FAT4: variants seen among roughly 807,000 people sequenced by gnomAD.
The protein encoded by FAT4 is protocadherin Fat 4.
A neutral mutation model predicts 303.9 loss-of-function variants in FAT4; 84 were observed. The ratio of observed to expected loss-of-function variants is 0.28; its 90% CI spans 0.23 to 0.33. The LOEUF is 0.33. Among genes scored for constraint, FAT4 ranks in the 10% least tolerant of loss-of-function variants. The pLI is 1.00. For synonymous variants in FAT4, 2,307 were observed against 2,298.8 expected, an observed-to-expected ratio of 1.00 and a Z score of -0.10; for missense variants, 6,005 against 6,146.8, an observed-to-expected ratio of 0.98 and a Z score of 0.77.
chr4:125,452,701 G>T lies in FAT4; in HGVS notation c.11691G>T (p.Arg3897Ser). ...GCTGCCCAGATGGCTTCACTGGTAG[G>T]GCGTGTGAGAGAGATATCAATGAGT... Reference protein sequence around the residue: ...SCSCPDGFTGRACERDINECL... With the variant: ...SCSCPDGFTGSACERDINECL... Residue 3897 changes from arginine (R) to serine (S), a missense_variant, in exon 10 of 18, where the codon AGG (arginine) becomes AGT (serine). Transcript: ENST00000394329. 6.2e-7 allele frequency: 1 copy of T among 1,614,074 alleles called. No homozygotes were observed. The highest frequency in any genetic ancestry group is 2.2e-5 in the East Asian group (1 of 44,854).
Position 125,491,991 on chromosome 4 carries a change from T to G in FAT4, c.*223T>G. On this transcript the variant is annotated 3_prime_UTR_variant, in exon 18 of 18. Transcript: ENST00000394329. ...TTTATTTCCCTGCATGCATTGTGTT[T>G]TGTAACTAGTTATGTGGCATGCAGC... The G allele has an allele frequency of 1.9e-6, 1 of 523,214 alleles. No individual in the cohort carries two copies. The highest frequency in any genetic ancestry group is 3.3e-6 in the Non-Finnish European group (1 of 304,930). The allele number at this position is 523,214 out of a possible 1,614,324, so 32.4% of individuals were successfully genotyped here. A position where few individuals can be genotyped will look rare whatever the true frequency, so the allele number is the denominator to read the frequency against.
At chr4:125,465,639 A>T (rs1425076243) in intron 11 of FAT4, among the ~76,000 whole-genome samples, 1 of 152,200 alleles carries the variant, frequency 6.6e-6, no homozygotes, top group Non-Finnish European at 1.5e-5. Flanking sequence ...ATTAAGTGGA[A>T]CTACTTGAGG....
chr4:125,389,740 G>A (rs1169007889), intron 2 of FAT4, among the ~76,000 whole-genome samples: 1 of 152,134 alleles, frequency 6.6e-6, no homozygotes, highest in Non-Finnish European at 1.5e-5. Flanking sequence ...AGATGAGACA[G>A]TAAACTATTA....
Position 125,415,180 on chromosome 4 carries a change from C to T in FAT4, c.6217C>T (p.Gln2073Ter). The T allele has an allele frequency of 6.2e-7, 1 of 1,614,090 alleles. No individual in the cohort carries two copies. The highest frequency in any genetic ancestry group is 8.5e-7 in the Non-Finnish European group (1 of 1,179,966). The change falls in exon 6 of 18, where the codon CAA (glutamine) becomes TAA (stop). Residue 2073 changes from glutamine to a stop codon, truncating the protein, a stop_gained. Coordinates refer to ENST00000394329, the MANE Select transcript of FAT4 (RefSeq NM_001291303.3). LOFTEE classifies it high-confidence loss of function. ...TPIDTVVFKA[Q>*]ATDPDSGPNS... ...TATTGATACTGTTGTTTTCAAAGCT[C>T]AAGCAACTGACCCAGATAGTGGCCC...
In FAT4 at chr4:125,451,930, A is replaced by G; in HGVS notation, c.10920A>G (p.Pro3640=). 1 of 1,614,124 alleles carries G rather than the reference A, an allele frequency of 6.2e-7. No individual in the cohort carries two copies. Among genetic ancestry groups the G allele is most frequent in the Non-Finnish European group, 8.5e-7 (1 of 1,180,020 alleles). ...GTGGGATTTTAGGCTCTGTGAAGCC[A>G]CAGGATCCAGATGTGTTAGACAGCT... ...FPGGILGSVK[P]QDPDVLDSFH... Residue 3640 remains proline, a synonymous_variant, in exon 10 of 18, where the codon CCA becomes CCG. Coordinates refer to ENST00000394329, the MANE Select transcript of FAT4 (RefSeq NM_001291303.3).
intron 2 of FAT4, among the ~76,000 whole-genome samples, chr4:125,385,500 GT>G (rs1255949438): frequency 2.6e-5 from 4 of 152,158 alleles, no homozygotes; most frequent in Non-Finnish European, 4.4e-5. Context: ...TATTTTTCCA[GT>G]TTTTTTCCAT....
At chr4:125,432,291 T>C (rs1725308549) in intron 7 of FAT4, among the ~76,000 whole-genome samples, 2 of 152,186 alleles carry the variant, frequency 1.3e-5, no homozygotes, top group Admixed American at 1.3e-4. Flanking sequence ...CATTCCTCAC[T>C]AGGTCTGTGG....
intron 8 of FAT4, among the ~76,000 whole-genome samples, chr4:125,442,377 C>G (rs1485002882): frequency 6.6e-6 from 1 of 151,674 alleles, no homozygotes; most frequent in East Asian, 1.9e-4. Context: ...TTTTTTTAAC[C>G]TACTTAACCG....
At chr4:125,399,987 C>A (rs771288965) in intron 3 of FAT4, among the ~76,000 whole-genome samples, 1 of 151,858 alleles carries the variant, frequency 6.6e-6, no homozygotes, top group African/African-American at 2.4e-5. Context: ...TAAAGTTTAT[C>A]ATTGATAATA....
rs747656842 is a variant in FAT4 at position 125,452,682 on chromosome 4, C to T, written c.11672C>T (p.Pro3891Leu). Residue 3891 changes from proline to leucine, a missense_variant, in exon 10 of 18, where the codon CCA becomes CTA. Coordinates refer to ENST00000394329, the MANE Select transcript of FAT4 (RefSeq NM_001291303.3). ...NLVGGFSCSC[P>L]DGFTGRACER... Reference sequence around the variant, plus strand: ...GTGGGAGGATTTTCATGCAGCTGCCCAGATGGCTTCACTGGTAGGGCGTGT... The same window carrying T: ...GTGGGAGGATTTTCATGCAGCTGCCTAGATGGCTTCACTGGTAGGGCGTGT... 3 of 1,614,034 alleles carry T rather than the reference C, an allele frequency of 1.9e-6. No homozygotes were observed. In the South Asian group the frequency reaches 3.3e-5, roughly 18 times the overall value.
intron 2 of FAT4, among the ~76,000 whole-genome samples, chr4:125,383,833 A>G (rs1578581501): frequency 6.6e-6 from 1 of 152,302 alleles, no homozygotes. Flanking sequence ...TTTAAATAAA[A>G]AAGCCTATTA....
intron 2 of FAT4, among the ~76,000 whole-genome samples, chr4:125,323,256 A>G (rs1299439473): frequency 6.6e-6 from 1 of 152,168 alleles, no homozygotes; most frequent in Non-Finnish European, 1.5e-5. Context: ...ATAAATGCTC[A>G]GTTTTATCAT....
At chr4:125,445,708 C>T (rs1725801904) in intron 8 of FAT4, among the ~76,000 whole-genome samples, 1 of 152,026 alleles carries the variant, frequency 6.6e-6, no homozygotes, top group Admixed American at 6.6e-5. Context: ...AGATGTCATA[C>T]CTCTCCTGAC....
intron 3 of FAT4, among the ~76,000 whole-genome samples, chr4:125,401,944 A>G (rs1307768184): frequency 6.6e-6 from 1 of 151,934 alleles, no homozygotes; most frequent in Non-Finnish European, 1.5e-5. Flanking sequence ...ACTGCAGTGA[A>G]GCTGAAACAT....
chr4:125,473,369 C>G (rs1432618114), intron 12 of FAT4, among the ~76,000 whole-genome samples: 2 of 151,980 alleles, frequency 1.3e-5, no homozygotes, highest in Non-Finnish European at 2.9e-5. Context: ...ACAAACAAAT[C>G]TTGGATAAAA....
chr4:125,457,874 A>T (rs62315662), intron 10 of FAT4, among the ~76,000 whole-genome samples: 26 of 152,026 alleles, frequency 1.7e-4, no homozygotes, highest in Non-Finnish European at 3.7e-4. Context: ...TGTAGTATTT[A>T]TTTTCATATA....
At chr4:125,369,756 A>C (rs997208773) in intron 2 of FAT4, among the ~76,000 whole-genome samples, 1 of 152,136 alleles carries the variant, frequency 6.6e-6, no homozygotes, top group African/African-American at 2.4e-5. Flanking sequence ...CTCTCTACCC[A>C]TTAAACACTA....
intron 7 of FAT4, among the ~76,000 whole-genome samples, chr4:125,428,903 A>C (rs947391054): frequency 1.7e-4 from 26 of 152,116 alleles, no homozygotes; most frequent in African/African-American, 6.3e-4. Flanking sequence ...ACTGTCCTCT[A>C]TCAGGAGCCC....
Position 125,491,618 on chromosome 4 carries a change from C to T in FAT4, c.14802C>T (p.Asn4934=), listed in dbSNP as rs753842030. 1.2e-5 allele frequency: 20 copies of T among 1,614,054 alleles called. No individual in the cohort carries two copies. The highest frequency in any genetic ancestry group is 1.5e-5 in the Non-Finnish European group (18 of 1,180,026). Residue 4934 remains asparagine (N), a synonymous_variant, in exon 18 of 18, where the codon AAC becomes AAT. Coordinates refer to ENST00000394329, the MANE Select transcript of FAT4 (RefSeq NM_001291303.3). ...AAGCAGGGACTTTCAACTGGGACAA[C>T]CTTTTGAACTGGGGCCCTGGCTTTG... The part of the protein sequence containing the change: ...GQQAGTFNWD[N]LLNWGPGFGH...
Sources: allele counts gnomAD v4.1 joint callset (sites outside exome capture counted in the v4.1 genomes callset), GRCh38; gene constraint gnomAD v4.1.1; transcripts MANE v1.5; gene names NCBI Gene and HGNC (gene_info 2026-07-23, HGNC 2026-07-21).